Variants in ADAMTS17 observed in about 807,000 individuals in gnomAD.
The protein encoded by ADAMTS17 is ADAM metallopeptidase with thrombospondin type 1 motif 17.
In ADAMTS17, 113 loss-of-function variants were observed where a neutral mutation model predicts 141.5. The ratio of observed to expected loss-of-function variants is 0.80; its 90% CI spans 0.69 to 0.93. The LOEUF (loss-of-function observed/expected upper bound fraction) is 0.93. Among genes scored for constraint, ADAMTS17 ranks in the 40% least tolerant of loss-of-function variants. The pLI, the probability that ADAMTS17 is intolerant of heterozygous loss-of-function variation, is 0.00. For synonymous variants in ADAMTS17, 768 were observed against 630.6 expected, an observed-to-expected ratio of 1.22 and a Z score of -3.27; for missense variants, 1,659 against 1,517.9, an observed-to-expected ratio of 1.09 and a Z score of -1.54.
intron 18 of ADAMTS17, among the ~76,000 whole-genome samples, chr15:100,037,124 A>G (rs994758735): frequency 2.6e-5 from 4 of 152,170 alleles, no homozygotes; most frequent in Admixed American, 2.6e-4. Flanking sequence ...TTTTTGAGGA[A>G]CTACCAGATT....
chr15:100,071,387 T>C (rs28771747), intron 15 of ADAMTS17, among the ~76,000 whole-genome samples: 19,876 of 149,676 alleles, frequency 0.13, 2,812 homozygotes, highest in East Asian at 0.48. Context: ...CCCTAACTCA[T>C]TTTATGAGGC....
chr15:100,243,789 T>TAAAAAAAAAAAAAAAAA (rs547134930), intron 7 of ADAMTS17, among the ~76,000 whole-genome samples: 2 of 93,472 alleles, frequency 2.1e-5, no homozygotes, highest in Non-Finnish European at 4.2e-5. Flanking sequence ...GACTCCATCT[T>TAAAAAAAAAAAAAAAAA]AAAAAAAAAA....
intron 18 of ADAMTS17, among the ~76,000 whole-genome samples, chr15:99,998,814 C>T (rs891780924): frequency 3.3e-5 from 5 of 152,142 alleles, no homozygotes; most frequent in East Asian, 1.9e-4. Context: ...AGCCAACTGG[C>T]TTTGCCCTTT....
intron 4 of ADAMTS17, among the ~76,000 whole-genome samples, chr15:100,277,028 T>C (rs940460621): frequency 1.3e-5 from 2 of 152,090 alleles, no homozygotes; most frequent in Non-Finnish European, 2.9e-5. Flanking sequence ...TGAGCCCCCC[T>C]GTGCAAGGGG....
intron 8 of ADAMTS17, among the ~76,000 whole-genome samples, chr15:100,161,455 G>T (rs569612246): frequency 3.9e-5 from 6 of 152,272 alleles, no homozygotes; most frequent in African/African-American, 1.4e-4. Context: ...GGGCTCCCGT[G>T]AACACAGCCT....
At chr15:100,156,472 T>C (rs1242344001) in intron 8 of ADAMTS17, among the ~76,000 whole-genome samples, 1 of 152,244 alleles carries the variant, frequency 6.6e-6, no homozygotes, top group Non-Finnish European at 1.5e-5. Context: ...TCATGTGTTC[T>C]GGAACTTTGG....
intron 18 of ADAMTS17, among the ~76,000 whole-genome samples, chr15:100,011,287 A>G (rs2141403195): frequency 4.4e-5 from 5 of 113,180 alleles, no homozygotes; most frequent in East Asian, 5.8e-4. Flanking sequence ...GGAGGGAAGT[A>G]AAGGAGGAGG....
chr15:100,194,019 C>A (rs1054961812), intron 8 of ADAMTS17, among the ~76,000 whole-genome samples: 1 of 152,226 alleles, frequency 6.6e-6, no homozygotes, highest in Admixed American at 6.5e-5. Context: ...ATCTAACAGA[C>A]ACTCCTCACT....
intron 4 of ADAMTS17, among the ~76,000 whole-genome samples, chr15:100,266,858 T>C (rs1181132475): frequency 5.3e-5 from 8 of 152,186 alleles, no homozygotes; most frequent in Non-Finnish European, 8.8e-5. Flanking sequence ...CTGTCGTTCC[T>C]ACTGCATGAG....
At chr15:100,218,815 G>C (rs1228239483) in intron 7 of ADAMTS17, among the ~76,000 whole-genome samples, 1 of 152,054 alleles carries the variant, frequency 6.6e-6, no homozygotes, top group Admixed American at 6.5e-5. Context: ...AAAAAAATGG[G>C]AAGAACTCAA....
rs113095923 is a variant in ADAMTS17 at position 100,012,110 on chromosome 15, T to C, written c.2592-14521A>G. On this transcript the variant is annotated intron_variant, in intron 18 of 21. Transcript: ENST00000268070. ...CTTGCAGTAGTAATGGGGTATCGCA[T>C]TGTGGTTTTGATTTGCATTTCCCTG... Among the ~76,000 whole-genome samples the C allele has an allele frequency of 3.9e-3, 595 of 152,382 alleles. 9 individuals carry two copies. Among genetic ancestry groups the C allele is most frequent in the African/African-American group, 0.013 (541 of 41,586 alleles).
intron 18 of ADAMTS17, among the ~76,000 whole-genome samples, chr15:100,017,232 C>T (rs906334399): frequency 5.3e-5 from 8 of 152,198 alleles, no homozygotes; most frequent in Non-Finnish European, 1.0e-4. Flanking sequence ...TCAACAGCCC[C>T]GAGTCTGTTT....
chr15:100,048,751 C>T, intron 18 of ADAMTS17, 106 bp downstream of exon 18: 1 of 1,518,566 alleles, frequency 6.6e-7, no homozygotes, highest in Non-Finnish European at 9.0e-7. Flanking sequence ...TAACGGAACA[C>T]AGCATAGAGC....
At chr15:100,126,743 C>T (rs1163279437) in intron 12 of ADAMTS17, among the ~76,000 whole-genome samples, 1 of 152,220 alleles carries the variant, frequency 6.6e-6, no homozygotes, top group East Asian at 1.9e-4. Flanking sequence ...AGTGCACATC[C>T]AGGCAGGAAG....
intron 2 of ADAMTS17, 119 bp from the exon 3 acceptor site, chr15:100,331,173 G>C: frequency 1.5e-6 from 2 of 1,298,832 alleles, no homozygotes; most frequent in Non-Finnish European, 2.2e-6. Flanking sequence ...GTCTGGGCTC[G>C]TTTCTTTGCA....
chr15:100,202,025 T>C (rs2041353176), intron 7 of ADAMTS17, among the ~76,000 whole-genome samples: 1 of 152,164 alleles, frequency 6.6e-6, no homozygotes, highest in African/African-American at 2.4e-5. Flanking sequence ...AACAATCAGA[T>C]CTGCACGCCC....
chr15:100,305,420 G>C (rs1362130437), intron 3 of ADAMTS17, among the ~76,000 whole-genome samples: 1 of 152,180 alleles, frequency 6.6e-6, no homozygotes, highest in Non-Finnish European at 1.5e-5. Flanking sequence ...CTTCAGATGG[G>C]TTTGCTGTAT....
intron 7 of ADAMTS17, among the ~76,000 whole-genome samples, chr15:100,205,877 C>T (rs8034488): frequency 4.6e-5 from 7 of 152,132 alleles, no homozygotes; most frequent in African/African-American, 1.4e-4. Flanking sequence ...GTGGGCGCCG[C>T]GGTCTCTGAA....
chr15:100,010,062 G>C (rs2061130466), intron 18 of ADAMTS17, among the ~76,000 whole-genome samples: 1 of 152,216 alleles, frequency 6.6e-6, no homozygotes, highest in African/African-American at 2.4e-5. Flanking sequence ...CTTGAGATCT[G>C]ATGGTTTTAT....
Sources: gnomAD v4.1 joint callset for allele counts (sites outside exome capture counted in the v4.1 genomes callset) on GRCh38, gnomAD v4.1.1 for gene constraint, MANE v1.5 for transcripts, NCBI Gene and HGNC (gene_info 2026-07-23, HGNC 2026-07-21) for gene names.